The following MYO1G variants were observed in gnomAD, a reference collection of about 807,000 sequenced individuals.
MYO1G encodes myosin IG.
A neutral mutation model predicts 115.3 loss-of-function variants in MYO1G; 65 were observed. That is an observed-to-expected ratio of 0.56 (90% confidence interval 0.46 to 0.69). The LOEUF (loss-of-function observed/expected upper bound fraction) is 0.69, where lower values mean the gene tolerates loss of function less well. Ranked by LOEUF, MYO1G falls within the 30% of genes least tolerant of loss-of-function variation. The pLI is 0.00. For missense variants in MYO1G, 1,204 were observed against 1,393.5 expected, an observed-to-expected ratio of 0.86 and a Z score of 2.16; for synonymous variants, 510 against 552.6, an observed-to-expected ratio of 0.92 and a Z score of 1.08.
chr7:44,971,969 AT>A lies in MYO1G; in HGVS notation c.729+145del, dbSNP rs375160151. 1.2e-3 allele frequency: 920 copies of A among 776,794 alleles called. 19 individuals carry two copies. In the South Asian group the frequency reaches 0.014, roughly 12 times the overall value. 48.1% of individuals were successfully genotyped at this position (776,794 alleles called of 1,614,324 possible). ...CTGCACTCTGTCCCCTCCATCAGCC[AT>A]TTTCACTCCACCCCGAGCACCCTCC... On this transcript the variant is annotated intron_variant, in intron 6 of 21. Transcript: ENST00000258787.
At chr7:44,977,138 GC>G in intron 1 of MYO1G, 67 bp from the exon 2 acceptor site, 1 of 1,491,842 alleles carries the variant, frequency 6.7e-7, no homozygotes, top group Non-Finnish European at 9.1e-7. Context: ...TTTCGCCAGA[GC>G]CCATATCAGG....
intron 17 of MYO1G, among the ~76,000 whole-genome samples, 178 bp from the exon 18 acceptor site, chr7:44,965,267 C>T (rs1794819694): frequency 1.3e-5 from 2 of 152,236 alleles, no homozygotes; most frequent in African/African-American, 4.8e-5. Flanking sequence ...TGGAAGGTGA[C>T]CCAGGGACCA....
rs1375407544 is a variant in MYO1G at position 44,963,695 on chromosome 7, C to T, written c.2745+354G>A. The T allele has an allele frequency of 2.5e-5, 7 of 275,732 alleles. No homozygotes were observed. Among genetic ancestry groups the T allele is most frequent in the East Asian group, 7.7e-5 (1 of 12,976 alleles). 17.1% of individuals were successfully genotyped at this position (275,732 alleles called of 1,614,324 possible). A position where few individuals can be genotyped will look rare whatever the true frequency, so the allele number is the denominator to read the frequency against. ...GCAGAAGGTTCCGGAGTGGCCGGGACGGTATCCCACAGGAGGCCCAGAACA... is the reference window on the plus strand; with the variant it reads ...GCAGAAGGTTCCGGAGTGGCCGGGATGGTATCCCACAGGAGGCCCAGAACA... On this transcript the variant is annotated intron_variant, in intron 20 of 21. Transcript: ENST00000258787. The surrounding 1 kb of genome is among the most constrained non-coding windows in gnomAD (Gnocchi z 4.1).
In MYO1G at chr7:44,964,267, T is replaced by C. The variant is rs2128700904; in HGVS notation, c.2632-105A>G. The C allele has an allele frequency of 7.6e-7, 1 of 1,313,200 alleles. No individual in the cohort carries two copies. The allele number at this position is 1,313,200 out of a possible 1,614,324, so 81.3% of individuals were successfully genotyped here. ...CTCCCCTCCCCGCTGGCGACAGTTT[T>C]GGGAGTGTCAGGAGCAGCTGGGCCT... On this transcript the variant is annotated intron_variant, in intron 19 of 21. Coordinates refer to ENST00000258787, the MANE Select transcript of MYO1G (RefSeq NM_033054.3). This position sits in a 1 kb window ranked among gnomAD's most constrained non-coding sequence, Gnocchi z 5.1.
Position 44,963,269 on chromosome 7 carries a change from G to T in MYO1G, c.2746-145C>A. On this transcript the variant is annotated intron_variant, in intron 20 of 21. Coordinates refer to ENST00000258787, the MANE Select transcript of MYO1G (RefSeq NM_033054.3). This position sits in a 1 kb window ranked among gnomAD's most constrained non-coding sequence, Gnocchi z 4.1. ...TCGCCAGGGCCACCAGCCCCCCACCGCCCCCTCCTCCCTCTCGGGGCCCTG... is the reference window on the plus strand; with the variant it reads ...TCGCCAGGGCCACCAGCCCCCCACCTCCCCCTCCTCCCTCTCGGGGCCCTG... 1 of 904,270 alleles carries T rather than the reference G, an allele frequency of 1.1e-6. No individual in the cohort carries two copies. The highest frequency in any genetic ancestry group is 1.8e-5 in the African/African-American group (1 of 56,176). The allele number at this position is 904,270 out of a possible 1,614,324, so 56.0% of individuals were successfully genotyped here.
At chr7:44,978,492 G>A (rs1795121993) in intron 1 of MYO1G, among the ~76,000 whole-genome samples, 1 of 152,226 alleles carries the variant, frequency 6.6e-6, no homozygotes, top group Middle Eastern at 3.2e-3. Flanking sequence ...GGAGGGAGGT[G>A]CCCCTGGTCC....
Position 44,966,713 on chromosome 7 carries a change from A to G in MYO1G, c.1908T>C (p.Ala636=), listed in dbSNP as rs1562828206. Residue 636 remains alanine, a synonymous_variant, in exon 15 of 22, where the codon GCT becomes GCC. Transcript: ENST00000258787. This position sits in a 1 kb window ranked among gnomAD's most constrained non-coding sequence, Gnocchi z 5.0. ...AGTAGGGCTGGCGGGAAGCGAAGCC[A>G]GCCCTGCGGACCCTCACATTCTCCA... ...GLLENVRVRR[A]GFASRQPYSR... 6.2e-7 allele frequency: 1 copy of G among 1,613,130 alleles called. No homozygotes were observed. Among genetic ancestry groups the G allele is most frequent in the African/African-American group, 1.3e-5 (1 of 74,922 alleles).
At position 44,970,725 on chromosome 7, in the gene MYO1G, G is replaced by T. The variant is rs964019592; in HGVS notation, c.1084C>A (p.Arg362=). The part of the protein sequence containing the change: ...RDACAKAVYQ[R]LFEWVVNRIN... Reference sequence around the variant, plus strand: ...CTGTTCACCACCCACTCAAACAGCCGCTGGTACACTGCCTGGGGGATAGGA... The same window carrying T: ...CTGTTCACCACCCACTCAAACAGCCTCTGGTACACTGCCTGGGGGATAGGA... The change falls in exon 9 of 22, where the codon CGG becomes AGG. Residue 362 remains arginine, a synonymous_variant. Coordinates refer to ENST00000258787, the MANE Select transcript of MYO1G (RefSeq NM_033054.3). The T allele has an allele frequency of 6.2e-7, 1 of 1,613,970 alleles. No homozygotes were observed. Among genetic ancestry groups the T allele is most frequent in the Non-Finnish European group, 8.5e-7 (1 of 1,180,024 alleles).
rs760336009 is a variant in MYO1G, at chr7:44,967,870, C to T, written c.1649+14G>A. On this transcript the variant is annotated intron_variant, in intron 13 of 21. Transcript: ENST00000258787. ...CCCTGGCCCTCCCTATGGTGCCCAG[C>T]AAGCCGTGCTCACCTGTTGTACAGC... The T allele has an allele frequency of 8.7e-6, 14 of 1,613,742 alleles. 1 individual carries two copies. The South Asian group carries it at 1.5e-4, about 18-fold the overall frequency.
In MYO1G at chr7:44,976,613, G is replaced by A. The variant is rs778545686; in HGVS notation, c.349C>T (p.Gln117Ter). 4 of 1,614,128 alleles carry A rather than the reference G, an allele frequency of 2.5e-6. No homozygotes were observed. The highest frequency in any genetic ancestry group is 3.4e-6 in the Non-Finnish European group (4 of 1,180,010). The change falls in exon 3 of 22, where the codon CAG (glutamine) becomes TAG (stop). Residue 117 changes from glutamine to a stop codon, truncating the protein, a stop_gained. Coordinates refer to ENST00000258787, the MANE Select transcript of MYO1G (RefSeq NM_033054.3). LOFTEE classifies it high-confidence loss of function. ...GGATTGGTGACAGCAGCGATGTACT[G>A]CATGATGTGCTTACTGGCTTCTGTC... ...GKTEASKHIM[Q>*]YIAAVTNPSQ...
At position 44,970,942 on chromosome 7, in the gene MYO1G, C is replaced by T. The variant is rs529814356; in HGVS notation, c.964G>A (p.Val322Met). ...AELTATPRDL[V>M]LRSLLARTVA... ...GTGCGAGCCAGCAGGGAGCGGAGCA[C>T]GAGGTCCCGGGGTGTGGCCGTCAGC... The change falls in exon 8 of 22, where the codon GTG (valine) becomes ATG (methionine). Residue 322 changes from valine (V) to methionine (M), a missense_variant. Val to Met is a conservative substitution (Grantham distance 21). Coordinates refer to ENST00000258787, the MANE Select transcript of MYO1G (RefSeq NM_033054.3). The T allele has an allele frequency of 2.2e-5, 36 of 1,613,550 alleles. No homozygotes were observed. The highest frequency in any genetic ancestry group is 1.3e-4 in the East Asian group (6 of 44,886).
Position 44,962,956 on chromosome 7 carries a change from C to T in MYO1G, c.2900+14G>A. ...CCGGGGCTTCGTGCCCGCTACCGCC[C>T]AGCCTGCACTCACCCCTGGCAGTGT... On this transcript the variant is annotated intron_variant, in intron 21 of 21. Coordinates refer to ENST00000258787, the MANE Select transcript of MYO1G (RefSeq NM_033054.3). This position sits in a 1 kb window ranked among gnomAD's most constrained non-coding sequence, Gnocchi z 5.3. 6.6e-7 allele frequency: 1 copy of T among 1,522,570 alleles called. No individual in the cohort carries two copies. 94.3% of individuals were successfully genotyped at this position (1,522,570 alleles called of 1,614,324 possible). A position where few individuals can be genotyped will look rare whatever the true frequency, so the allele number is the denominator to read the frequency against.
intron 1 of MYO1G, among the ~76,000 whole-genome samples, chr7:44,978,115 G>C (rs1418687522): frequency 6.6e-6 from 1 of 152,130 alleles, no homozygotes; most frequent in Non-Finnish European, 1.5e-5. Context: ...TGGGGATCCT[G>C]GTCCCCAAGC....
In MYO1G at chr7:44,962,929, G is replaced by A; in HGVS notation, c.2901-34C>T. 1 of 1,501,854 alleles carries A rather than the reference G, an allele frequency of 6.7e-7. No homozygotes were observed. Among genetic ancestry groups the A allele is most frequent in the Non-Finnish European group, 8.9e-7 (1 of 1,128,388 alleles). 93.0% of individuals were successfully genotyped at this position (1,501,854 alleles called of 1,614,324 possible). ...GGAGGAGGGGTCAGGGCGGCCACGC[G>A]GCCGGGGCTTCGTGCCCGCTACCGC... On this transcript the variant is annotated intron_variant, in intron 21 of 21. Transcript: ENST00000258787. This position sits in a 1 kb window ranked among gnomAD's most constrained non-coding sequence, Gnocchi z 5.3.
At position 44,966,551 on chromosome 7, in the gene MYO1G, C is replaced by A; in HGVS notation, c.1949+121G>T. The A allele has an allele frequency of 8.0e-7, 1 of 1,254,908 alleles. No individual in the cohort carries two copies. The highest frequency in any genetic ancestry group is 1.1e-6 in the Non-Finnish European group (1 of 872,632). The allele number at this position is 1,254,908 out of a possible 1,614,324, so 77.7% of individuals were successfully genotyped here. The stretch of plus-strand genomic sequence containing the variant: ...TATTTTGGTGTCTTGAGGCCAGCAG[C>A]GTGCTGGTTCCTGCTTGTATCGATG... On this transcript the variant is annotated intron_variant, in intron 15 of 21. Coordinates refer to ENST00000258787, the MANE Select transcript of MYO1G (RefSeq NM_033054.3). This position sits in a 1 kb window ranked among gnomAD's most constrained non-coding sequence, Gnocchi z 5.0.
intron 4 of MYO1G, 34 bp from the exon 5 acceptor site, chr7:44,975,261 G>A: frequency 6.2e-7 from 1 of 1,612,892 alleles, no homozygotes; most frequent in Non-Finnish European, 8.5e-7. Flanking sequence ...CTCAGGCCTG[G>A]GAAGGAGTCT....
chr7:44,975,284 C>T (rs1049117493), intron 4 of MYO1G, 57 bp from the exon 5 acceptor site: 18 of 1,594,570 alleles, frequency 1.1e-5, no homozygotes, highest in Non-Finnish European at 1.5e-5. Context: ...CCCTGGGGAC[C>T]CCATCTGAAC....
In MYO1G at chr7:44,969,115, T is replaced by G; in HGVS notation, c.1574+298A>C. 1 of 215,682 alleles carries G rather than the reference T, an allele frequency of 4.6e-6. No homozygotes were observed. The allele number at this position is 215,682 out of a possible 1,614,324, so 13.4% of individuals were successfully genotyped here. A position where few individuals can be genotyped will look rare whatever the true frequency, so the allele number is the denominator to read the frequency against. On this transcript the variant is annotated intron_variant, in intron 12 of 21. Coordinates refer to ENST00000258787, the MANE Select transcript of MYO1G (RefSeq NM_033054.3). This position sits in a 1 kb window ranked among gnomAD's most constrained non-coding sequence, Gnocchi z 5.0. ...CCTCCCCACCCCCACATCACCAGCC[T>G]GAAGCCCCCCACCCCACAGATGCTG...
rs1795131154 is a variant in MYO1G, at chr7:44,978,855, C to T, written c.95+12G>A. Reference sequence around the variant, plus strand: ...GGAGGAGGGGAGCCACTGCCTCCTGCCCTGGGCCTACCTGAGCTGCAGGTT... The same window carrying T: ...GGAGGAGGGGAGCCACTGCCTCCTGTCCTGGGCCTACCTGAGCTGCAGGTT... On this transcript the variant is annotated intron_variant, in intron 1 of 21. Transcript: ENST00000258787. 1.2e-6 allele frequency: 2 copies of T among 1,613,022 alleles called. No homozygotes were observed. The highest frequency in any genetic ancestry group is 2.7e-5 in the African/African-American group (2 of 74,930).
Sources: gnomAD v4.1 joint callset for allele counts (sites outside exome capture counted in the v4.1 genomes callset) on GRCh38, gnomAD v4.1.1 for gene constraint, Gnocchi (gnomAD v3.1) non-coding constraint, MANE v1.5 for transcripts, NCBI Gene and HGNC (gene_info 2026-07-23, HGNC 2026-07-21) for gene names.